TYW1: variants seen among roughly 807,000 people sequenced by gnomAD.
TYW1 encodes S-adenosyl-L-methionine-dependent tRNA 4-demethylwyosine synthase TYW1.
Under a neutral mutation model 96.2 loss-of-function variants are expected in TYW1, and 46 were observed. That is an observed-to-expected ratio of 0.48 (90% CI 0.38 to 0.61). The LOEUF is 0.61. Among genes scored for constraint, TYW1 ranks in the 20% least tolerant of loss-of-function variants. The pLI, the probability that TYW1 is intolerant of heterozygous loss-of-function variation, is 0.00. For missense variants in TYW1, 684 were observed against 909.6 expected, an observed-to-expected ratio of 0.75 and a Z score of 3.19; for synonymous variants, 274 against 323.0, an observed-to-expected ratio of 0.85 and a Z score of 1.63.
chr7:67,012,410 C>T (rs963358639), intron 4 of TYW1, among the ~76,000 whole-genome samples: 6 of 152,090 alleles, frequency 3.9e-5, no homozygotes, highest in South Asian at 2.1e-4. Flanking sequence ...TTACCGGCCC[C>T]GTCTTAGTGG....
chr7:67,122,246 C>A (rs1209838551), intron 13 of TYW1, among the ~76,000 whole-genome samples: 1 of 152,042 alleles, frequency 6.6e-6, no homozygotes, highest in Non-Finnish European at 1.5e-5. Flanking sequence ...TAACAATGAC[C>A]ATTGGCCCTC....
intron 7 of TYW1, among the ~76,000 whole-genome samples, chr7:67,036,389 G>A (rs1239423800): frequency 6.6e-6 from 1 of 152,146 alleles, no homozygotes; most frequent in Non-Finnish European, 1.5e-5. Flanking sequence ...ATTATATCTA[G>A]GGCTGTGCAC....
intron 7 of TYW1, among the ~76,000 whole-genome samples, chr7:67,037,104 C>T (rs578063460): frequency 6.6e-6 from 1 of 152,314 alleles, no homozygotes; most frequent in South Asian, 2.1e-4. Flanking sequence ...TGAGCACCCC[C>T]TCTTCCTCCT....
At chr7:67,181,683 T>C (rs546802245) in intron 13 of TYW1, among the ~76,000 whole-genome samples, 1 of 152,080 alleles carries the variant, frequency 6.6e-6, no homozygotes, top group East Asian at 1.9e-4. Context: ...GAGTGTTACC[T>C]GGGCATTTGC....
At chr7:67,180,736 G>A (rs1406162323) in intron 13 of TYW1, among the ~76,000 whole-genome samples, 2 of 151,908 alleles carry the variant, frequency 1.3e-5, no homozygotes, top group Admixed American at 6.6e-5. Flanking sequence ...TCTGCCTCCC[G>A]GGTTGAAGCA....
rs1341437613 is a variant in TYW1, at chr7:67,180,424, A to ATATATATATAT, written c.1699-2702_1699-2701insTATATATATAT. Among the ~76,000 whole-genome samples, 14 of 81,920 alleles carry ATATATATATAT rather than the reference A, an allele frequency of 1.7e-4. 2 individuals carry two copies. The highest frequency in any genetic ancestry group is 4.6e-4 in the East Asian group (2 of 4,326). The allele number at this position is 81,920 out of a possible 152,430, so 53.7% of individuals were successfully genotyped here. A position where few individuals can be genotyped will look rare whatever the true frequency, so the allele number is the denominator to read the frequency against. On this transcript the variant is annotated intron_variant, in intron 13 of 15. Transcript: ENST00000359626. ...TATATATTTATATATATATATATAT[A>ATATATATATAT]ATTTTTTTTTTGGTAACTGGCCTAA...
At chr7:67,109,273 C>CAAAAAAA (rs1203625487) in intron 12 of TYW1, among the ~76,000 whole-genome samples, 2 of 49,086 alleles carry the variant, frequency 4.1e-5, no homozygotes, top group African/African-American at 7.5e-5. Context: ...GACTCCGTCT[C>CAAAAAAA]AAAAAAAAAA....
At chr7:67,132,878 T>C (rs1049640201) in intron 13 of TYW1, among the ~76,000 whole-genome samples, 9 of 152,220 alleles carry the variant, frequency 5.9e-5, no homozygotes, top group Non-Finnish European at 1.3e-4. Flanking sequence ...CTCCTACAGA[T>C]GGGCATTTGG....
intron 11 of TYW1, 120 bp from the exon 12 acceptor site, chr7:67,098,421 G>A: frequency 1.4e-6 from 1 of 737,936 alleles, no homozygotes; most frequent in Non-Finnish European, 2.1e-6. Flanking sequence ...CCTTTGTTTT[G>A]TATTCTTTGG....
intron 13 of TYW1, among the ~76,000 whole-genome samples, chr7:67,146,890 T>C (rs1203442393): frequency 7.1e-6 from 1 of 139,962 alleles, no homozygotes; most frequent in African/African-American, 2.8e-5. Context: ...TGCAGTGTAC[T>C]TCATGGTTCA....
intron 7 of TYW1, among the ~76,000 whole-genome samples, chr7:67,044,205 T>G (rs1795115718): frequency 6.6e-6 from 1 of 151,560 alleles, no homozygotes; most frequent in East Asian, 1.9e-4. Flanking sequence ...TGCAAGTGAT[T>G]CTTCTGCCTC....
At chr7:67,170,919 AGAT>A (rs1799495179) in intron 13 of TYW1, among the ~76,000 whole-genome samples, 1 of 152,180 alleles carries the variant, frequency 6.6e-6, no homozygotes. Flanking sequence ...TTTGTTATGA[AGAT>A]AATGCTGGCC....
At chr7:67,162,405 C>T (rs975607673) in intron 13 of TYW1, among the ~76,000 whole-genome samples, 2 of 151,110 alleles carry the variant, frequency 1.3e-5, no homozygotes, top group African/African-American at 4.9e-5. Context: ...GGAGTATTTG[C>T]TATAATATTT....
chr7:67,164,569 C>T (rs1170235940), intron 13 of TYW1, among the ~76,000 whole-genome samples: 1 of 149,764 alleles, frequency 6.7e-6, no homozygotes, highest in Non-Finnish European at 1.5e-5. Context: ...TATGATGGCA[C>T]TATTGCATTC....
chr7:67,099,325 C>T (rs766516972), intron 12 of TYW1, among the ~76,000 whole-genome samples: 2 of 152,152 alleles, frequency 1.3e-5, no homozygotes, highest in Non-Finnish European at 2.9e-5. Flanking sequence ...AGCCACTGCG[C>T]CTGGCCTAAT....
At chr7:67,149,752 A>G (rs1017021002) in intron 13 of TYW1, among the ~76,000 whole-genome samples, 1 of 84,696 alleles carries the variant, frequency 1.2e-5, no homozygotes, top group African/African-American at 6.2e-5. Flanking sequence ...CTATCTATCT[A>G]TCTATCTATC....
At chr7:67,027,927 C>T (rs1347180281) in intron 7 of TYW1, among the ~76,000 whole-genome samples, 2 of 98,234 alleles carry the variant, frequency 2.0e-5, no homozygotes, top group Non-Finnish European at 4.1e-5. Flanking sequence ...GAGACTCCAT[C>T]TCAAAAAAAA....
intron 7 of TYW1, among the ~76,000 whole-genome samples, chr7:67,048,333 G>A (rs1795251314): frequency 6.6e-6 from 1 of 150,900 alleles, no homozygotes; most frequent in Admixed American, 6.7e-5. Context: ...TGGATGGCTG[G>A]ACATTTAAAA....
chr7:67,042,912 G>T (rs1795076759), intron 7 of TYW1, among the ~76,000 whole-genome samples: 1 of 151,930 alleles, frequency 6.6e-6, no homozygotes, highest in African/African-American at 2.4e-5. Flanking sequence ...CAGGAGAATC[G>T]CTTGAACCTG....
Sources: gnomAD v4.1 joint callset for allele counts (sites outside exome capture counted in the v4.1 genomes callset) on GRCh38, gnomAD v4.1.1 for gene constraint, MANE v1.5 for transcripts, NCBI Gene and HGNC (gene_info 2026-07-23, HGNC 2026-07-21) for gene names.